The following STIMATE variants were observed in gnomAD, a reference collection of about 807,000 sequenced individuals.
STIMATE encodes store-operated calcium entry regulator STIMATE.
A neutral mutation model predicts 36.7 loss-of-function variants in STIMATE; 15 were observed. The ratio of observed to expected loss-of-function variants is 0.41; its 90% confidence interval spans 0.27 to 0.63. STIMATE has a LOEUF of 0.63. Ranked by LOEUF, STIMATE falls within the 20% of genes least tolerant of loss-of-function variation. The pLI is 0.32. For missense variants in STIMATE, 305 were observed against 397.3 expected (o/e 0.77, Z 1.98); for synonymous variants, 163 against 162.3 (o/e 1.00, Z -0.03).
chr3:52,868,345 C>G (rs1468480071), intron 1 of STIMATE, among the ~76,000 whole-genome samples: 2 of 152,218 alleles, frequency 1.3e-5, no homozygotes, highest in Admixed American at 6.5e-5. Flanking sequence ...TCTACCCTAG[C>G]AGAACTCTAA....
At chr3:52,895,128 G>A (rs1052658112) in intron 1 of STIMATE, among the ~76,000 whole-genome samples, 5 of 152,212 alleles carry the variant, frequency 3.3e-5, no homozygotes, top group African/African-American at 1.2e-4. Context: ...CTTCCTTAAG[G>A]CTACCTTGAT....
intron 5 of STIMATE, 135 bp from the exon 6 acceptor site, chr3:52,843,933 C>T (rs1307259811): frequency 1.7e-6 from 2 of 1,162,384 alleles, no homozygotes; most frequent in African/African-American, 3.1e-5. Context: ...GGAGCAGCAC[C>T]TCATGCCTAG....
intron 1 of STIMATE, among the ~76,000 whole-genome samples, chr3:52,861,125 A>T (rs1392252732): frequency 6.6e-6 from 1 of 152,128 alleles, no homozygotes; most frequent in Non-Finnish European, 1.5e-5. Flanking sequence ...CCTCATCCCC[A>T]CACACCCCTG....
chr3:52,848,479 G>A (rs1986739), intron 4 of STIMATE: 135,561 of 152,270 alleles, frequency 0.89, 62,240 homozygotes, highest in Non-Finnish European at 1. Flanking sequence ...AGTGGCACCT[G>A]ACAGACTAGT....
At chr3:52,889,942 T>C (rs554417508) in intron 1 of STIMATE, among the ~76,000 whole-genome samples, 1 of 152,282 alleles carries the variant, frequency 6.6e-6, no homozygotes, top group African/African-American at 2.4e-5. Flanking sequence ...CTGGAAAGCC[T>C]CTGAATACAC....
In STIMATE at chr3:52,839,884, C is replaced by T. The variant is rs371986311; in HGVS notation, c.*610G>A. Reference sequence around the variant, plus strand: ...AAAAATATAAAAGTCAAACAGCATACGGAAGACTTAAAAATCTCTGTTTTG... The same window carrying T: ...AAAAATATAAAAGTCAAACAGCATATGGAAGACTTAAAAATCTCTGTTTTG... On this transcript the variant is annotated 3_prime_UTR_variant, in exon 8 of 8. Coordinates refer to ENST00000355083, the MANE Select transcript of STIMATE (RefSeq NM_198563.5). 1 of 152,558 alleles carries T rather than the reference C, an allele frequency of 6.6e-6. No homozygotes were observed. Among genetic ancestry groups the T allele is most frequent in the Non-Finnish European group, 1.5e-5 (1 of 68,026 alleles). 9.5% of individuals were successfully genotyped at this position (152,558 alleles called of 1,614,324 possible). A position where few individuals can be genotyped will look rare whatever the true frequency, so the allele number is the denominator to read the frequency against.
At chr3:52,840,904 C>T (rs1700786812) in intron 7 of STIMATE, among the ~76,000 whole-genome samples, 1 of 152,102 alleles carries the variant, frequency 6.6e-6, no homozygotes, top group African/African-American at 2.4e-5. Flanking sequence ...TGAGGTTTCA[C>T]CATGTTGGCC....
At chr3:52,855,221 T>C (rs1200942521) in intron 2 of STIMATE, among the ~76,000 whole-genome samples, 175 bp downstream of exon 2, 5 of 152,182 alleles carry the variant, frequency 3.3e-5, no homozygotes, top group Non-Finnish European at 5.9e-5. Flanking sequence ...AAAAATGCTT[T>C]CATAATATAC....
chr3:52,853,997 T>C (rs1187505245), intron 2 of STIMATE, among the ~76,000 whole-genome samples: 1 of 152,208 alleles, frequency 6.6e-6, no homozygotes, highest in Non-Finnish European at 1.5e-5. Context: ...TTTACCACCA[T>C]TTCACGAAGG....
At chr3:52,873,045 C>T (rs532679962) in intron 1 of STIMATE, among the ~76,000 whole-genome samples, 2 of 152,364 alleles carry the variant, frequency 1.3e-5, no homozygotes, top group East Asian at 3.9e-4. Context: ...GTTTAGCCAG[C>T]TTTAATCCTG....
At chr3:52,873,191 T>C (rs902554334) in intron 1 of STIMATE, among the ~76,000 whole-genome samples, 4 of 152,192 alleles carry the variant, frequency 2.6e-5, no homozygotes, top group African/African-American at 9.6e-5. Flanking sequence ...AAACCACTGC[T>C]TCCCCCAGGA....
intron 1 of STIMATE, among the ~76,000 whole-genome samples, chr3:52,875,804 T>C (rs910099854): frequency 6.6e-6 from 1 of 152,166 alleles, no homozygotes; most frequent in Non-Finnish European, 1.5e-5. Flanking sequence ...TTGACATCTG[T>C]AGGTCAAATA....
At chr3:52,856,468 C>A (rs1317707699) in intron 1 of STIMATE, among the ~76,000 whole-genome samples, 1 of 151,614 alleles carries the variant, frequency 6.6e-6, no homozygotes, top group Admixed American at 6.6e-5. Context: ...ATTGCTTGAG[C>A]CCGGGAGTTC....
At chr3:52,857,206 T>C (rs774290491) in intron 1 of STIMATE, among the ~76,000 whole-genome samples, 84 of 152,326 alleles carry the variant, frequency 5.5e-4, no homozygotes, top group Non-Finnish European at 9.7e-4. Flanking sequence ...CAGTTACAAG[T>C]CTGTTTAGAG....
At chr3:52,872,297 G>C (rs1701421244) in intron 1 of STIMATE, among the ~76,000 whole-genome samples, 1 of 152,210 alleles carries the variant, frequency 6.6e-6, no homozygotes, top group East Asian at 1.9e-4. Context: ...GCTCCAAACA[G>C]GTAGCTAAAC....
chr3:52,853,250 C>T (rs943272080), intron 2 of STIMATE, among the ~76,000 whole-genome samples: 2 of 152,208 alleles, frequency 1.3e-5, no homozygotes, highest in African/African-American at 4.8e-5. Context: ...GAGAATGATG[C>T]AGTCATAGAC....
In STIMATE at chr3:52,881,192, G is replaced by A. The variant is rs368508500; in HGVS notation, c.160+16099C>T. On this transcript the variant is annotated intron_variant, in intron 1 of 7. Transcript: ENST00000355083. ...GTACTCCAGCCTGGGCAAGAAGAGA[G>A]AAACTCTTGTCTCAAAAAAAAAAAA... Among the ~76,000 whole-genome samples the A allele has an allele frequency of 5.1e-4, 73 of 142,008 alleles. 1 individual carries two copies. The East Asian group carries it at 9.8e-3, about 19-fold the overall frequency. The allele number at this position is 142,008 out of a possible 152,430, so 93.2% of individuals were successfully genotyped here.
intron 1 of STIMATE, among the ~76,000 whole-genome samples, chr3:52,858,442 G>A (rs565182871): frequency 1.5e-4 from 23 of 152,072 alleles, no homozygotes; most frequent in African/African-American, 4.1e-4. Context: ...GGGCAACACC[G>A]TGAGACTCCA....
At chr3:52,878,403 A>C (rs752627033) in intron 1 of STIMATE, among the ~76,000 whole-genome samples, 2 of 151,564 alleles carry the variant, frequency 1.3e-5, no homozygotes, top group Admixed American at 1.3e-4. Flanking sequence ...CCTATGGTCC[A>C]GGCTGTATCA....
Sources: gnomAD v4.1 joint callset for allele counts (sites outside exome capture counted in the v4.1 genomes callset) on GRCh38, gnomAD v4.1.1 for gene constraint, MANE v1.5 for transcripts, NCBI Gene and HGNC (gene_info 2026-07-23, HGNC 2026-07-21) for gene names.